PHACTR1: variants seen among roughly 807,000 people sequenced by gnomAD.
PHACTR1 encodes RPEL repeat containing 1.
Under a neutral mutation model 69.2 loss-of-function variants are expected in PHACTR1, and 16 were observed. The ratio of observed to expected loss-of-function variants is 0.23; its 90% CI spans 0.16 to 0.35. PHACTR1 has a LOEUF of 0.35. Ranked by LOEUF, PHACTR1 falls within the 10% of genes least tolerant of loss-of-function variation. PHACTR1 has a pLI of 1.00. For synonymous variants in PHACTR1, 312 were observed against 284.5 expected (o/e 1.10, Z -0.97); for missense variants, 510 against 734.7 (o/e 0.69, Z 3.54).
At chr6:12,796,240 T>G (rs959702067) in intron 4 of PHACTR1, among the ~76,000 whole-genome samples, 8 of 152,240 alleles carry the variant, frequency 5.3e-5, no homozygotes, top group Non-Finnish European at 7.3e-5. Context: ...GTTTGTATTA[T>G]AGCAATTATG....
chr6:12,811,860 G>A (rs931971862), intron 4 of PHACTR1, among the ~76,000 whole-genome samples: 4 of 152,084 alleles, frequency 2.6e-5, no homozygotes, highest in East Asian at 1.9e-4. Context: ...CGTGGCAGCC[G>A]ACACAGGGCT....
intron 5 of PHACTR1, among the ~76,000 whole-genome samples, chr6:13,144,968 A>G (rs1823106632): frequency 1.3e-5 from 2 of 152,214 alleles, no homozygotes; most frequent in African/African-American, 4.8e-5. Context: ...CTAGATTTCA[A>G]TTCAAACATA....
intron 6 of PHACTR1, among the ~76,000 whole-genome samples, chr6:13,170,461 C>T (rs146840911): frequency 7.2e-5 from 11 of 152,214 alleles, no homozygotes; most frequent in Middle Eastern, 3.4e-3. Context: ...CACATGTCCC[C>T]GGCCTTCCAA....
chr6:12,788,023 G>A (rs954933064), intron 4 of PHACTR1, among the ~76,000 whole-genome samples: 1 of 152,030 alleles, frequency 6.6e-6, no homozygotes, highest in African/African-American at 2.4e-5. Context: ...CCAGGCGTTG[G>A]AGCACTCGCC....
chr6:12,762,721 A>G (rs1768164390), intron 4 of PHACTR1, among the ~76,000 whole-genome samples: 1 of 152,210 alleles, frequency 6.6e-6, no homozygotes, highest in South Asian at 2.1e-4. Context: ...GACAACAATT[A>G]CTGTAAATGA....
intron 10 of PHACTR1, among the ~76,000 whole-genome samples, chr6:13,256,906 A>G (rs1352673094): frequency 2.6e-5 from 4 of 152,174 alleles, no homozygotes; most frequent in African/African-American, 9.7e-5. Flanking sequence ...ATCTCTGTCC[A>G]TTACCCAGTT....
intron 4 of PHACTR1, among the ~76,000 whole-genome samples, chr6:13,012,761 AC>A (rs1799587857): frequency 6.6e-6 from 1 of 152,208 alleles, no homozygotes. Context: ...GTGATATCGG[AC>A]TGGCGATATC....
At chr6:12,833,150 A>G (rs2127731344) in intron 4 of PHACTR1, among the ~76,000 whole-genome samples, 1 of 152,170 alleles carries the variant, frequency 6.6e-6, no homozygotes, top group East Asian at 1.9e-4. Flanking sequence ...ATGTAGAGGA[A>G]CTATCCATGT....
At chr6:12,860,310 C>T (rs563477856) in intron 4 of PHACTR1, among the ~76,000 whole-genome samples, 7 of 152,176 alleles carry the variant, frequency 4.6e-5, no homozygotes, top group African/African-American at 1.4e-4. Flanking sequence ...CATCCATGTC[C>T]GTGCAAAGGA....
intron 4 of PHACTR1, among the ~76,000 whole-genome samples, chr6:12,771,433 G>A (rs879516804): frequency 4.6e-5 from 7 of 152,142 alleles, no homozygotes; most frequent in South Asian, 2.1e-4. Flanking sequence ...GGGTGACATC[G>A]TTGTGAAGGA....
chr6:13,269,412 A>G (rs746466870), intron 10 of PHACTR1, among the ~76,000 whole-genome samples: 68 of 152,230 alleles, frequency 4.5e-4, no homozygotes, highest in Admixed American at 2.6e-4. Context: ...TGAGAATGCT[A>G]TTTTAGAAAG....
intron 4 of PHACTR1, among the ~76,000 whole-genome samples, chr6:12,849,724 C>T (rs982264830): frequency 7.2e-5 from 11 of 152,046 alleles, no homozygotes; most frequent in African/African-American, 1.2e-4. Flanking sequence ...GAAGTTTTCC[C>T]GTCCCCCAGA....
In PHACTR1 at chr6:13,005,151, T is replaced by C. The variant is rs1471716424; in HGVS notation, c.251-48214T>C. On this transcript the variant is annotated intron_variant, in intron 4 of 14. Coordinates refer to ENST00000332995, the MANE Select transcript of PHACTR1 (RefSeq NM_030948.6). Reference sequence around the variant, plus strand: ...CTTTCTTTCCCTGCAAACTCATTGCTATGAACCTGAATGGGTTTTTAAAAT... The same window carrying C: ...CTTTCTTTCCCTGCAAACTCATTGCCATGAACCTGAATGGGTTTTTAAAAT... Among the ~76,000 whole-genome samples the C allele has an allele frequency of 5.9e-5, 9 of 151,798 alleles. 1 individual carries two copies. The East Asian group carries it at 1.7e-3, about 29-fold the overall frequency.
chr6:13,023,592 C>T (rs899665019), intron 4 of PHACTR1, among the ~76,000 whole-genome samples: 27 of 152,226 alleles, frequency 1.8e-4, no homozygotes, highest in African/African-American at 6.0e-4. Context: ...TTCTGCTTCC[C>T]TTGTCCCCTT....
At chr6:13,240,781 A>G (rs1472727689) in intron 10 of PHACTR1, among the ~76,000 whole-genome samples, 1 of 152,156 alleles carries the variant, frequency 6.6e-6, no homozygotes, top group Non-Finnish European at 1.5e-5. Context: ...GAATCAATCC[A>G]TCTACATTTA....
intron 4 of PHACTR1, among the ~76,000 whole-genome samples, chr6:12,815,990 A>G (rs1290492971): frequency 6.6e-6 from 1 of 152,166 alleles, no homozygotes; most frequent in Non-Finnish European, 1.5e-5. Context: ...TCCCTCCAAT[A>G]TGGGCAAGGC....
At chr6:13,244,015 C>T (rs1479179064) in intron 10 of PHACTR1, among the ~76,000 whole-genome samples, 1 of 152,064 alleles carries the variant, frequency 6.6e-6, no homozygotes, top group Non-Finnish European at 1.5e-5. Context: ...GGTATTTTTT[C>T]AGGGGACCTG....
At chr6:13,281,062 T>G in intron 12 of PHACTR1, 1 of 1,289,582 alleles carries the variant, frequency 7.8e-7, no homozygotes, top group South Asian at 1.2e-5. Context: ...TGTCTTGATT[T>G]GGAAAGACGG....
In PHACTR1 at chr6:13,163,824, A is replaced by T. The variant is rs377580098; in HGVS notation, c.496+3540A>T. 5.9e-5 allele frequency among the ~76,000 whole-genome samples: 9 copies of T among 152,252 alleles called. No homozygotes were observed. The East Asian group carries it at 1.2e-3, about 20-fold the overall frequency. Reference sequence around the variant, plus strand: ...GTGATGTTGTGATGAGGATTACAGGAGATAGCACATATGAAATAGAACAGT... The same window carrying T: ...GTGATGTTGTGATGAGGATTACAGGTGATAGCACATATGAAATAGAACAGT... On this transcript the variant is annotated intron_variant, in intron 6 of 14. Coordinates refer to ENST00000332995, the MANE Select transcript of PHACTR1 (RefSeq NM_030948.6).
Sources: allele counts gnomAD v4.1 joint callset (sites outside exome capture counted in the v4.1 genomes callset), GRCh38; gene constraint gnomAD v4.1.1; transcripts MANE v1.5; gene names NCBI Gene and HGNC (gene_info 2026-07-23, HGNC 2026-07-21).